DNAAF1: variants seen among roughly 807,000 people sequenced by gnomAD.
The protein encoded by DNAAF1 is dynein assembly factor 1, axonemal.
In DNAAF1, 65 loss-of-function variants were observed where a neutral mutation model predicts 71.1. The ratio of observed to expected loss-of-function variants is 0.91; its 90% confidence interval spans 0.75 to 1.12. The LOEUF (loss-of-function observed/expected upper bound fraction) is 1.12. Among genes scored for constraint, DNAAF1 ranks in the 50% most tolerant of loss-of-function variants. The pLI is 0.00. For missense variants in DNAAF1, 1,178 were observed against 899.8 expected, an observed-to-expected ratio of 1.31 and a Z score of -3.96; for synonymous variants, 414 against 354.6, an observed-to-expected ratio of 1.17 and a Z score of -1.88.
In DNAAF1 at chr16:84,165,933, A is replaced by C; in HGVS notation, c.1014A>C (p.Arg338Ser). ...KQRAEERKRQRESQERGEMTS... is the reference protein window; with the variant it reads ...KQRAEERKRQSESQERGEMTS... ...GGGCAGAGGAGAGGAAAAGACAGAG[A>C]GAGAGTCAAGAGAGAGGTATGCGCT... The change falls in exon 7 of 12, where the codon AGA (arginine) becomes AGC (serine). Residue 338 changes from arginine (R) to serine (S), a missense_variant. By Grantham distance (110) the Arg-to-Ser change is moderately radical (BLOSUM62 -1). Coordinates refer to ENST00000378553, the MANE Select transcript of DNAAF1 (RefSeq NM_178452.6). 6.2e-7 allele frequency: 1 copy of C among 1,613,068 alleles called. No homozygotes were observed. The highest frequency in any genetic ancestry group is 1.7e-4 in the Middle Eastern group (1 of 5,854).
chr16:84,148,201 T>G, intron 1 of DNAAF1, among the ~76,000 whole-genome samples: 1 of 152,256 alleles, frequency 6.6e-6, no homozygotes, highest in South Asian at 2.1e-4. Flanking sequence ...CACTTCTCTA[T>G]ACATGTATGC....
At chr16:84,160,615 C>G (rs1017034735) in intron 6 of DNAAF1, among the ~76,000 whole-genome samples, 2 of 152,250 alleles carry the variant, frequency 1.3e-5, no homozygotes, top group Middle Eastern at 3.4e-3. Flanking sequence ...ACAAATATTT[C>G]AAATAGAGCT....
At chr16:84,173,006 C>T in intron 9 of DNAAF1, 3 of 993,698 alleles carry the variant, frequency 3.0e-6, no homozygotes, top group Non-Finnish European at 3.6e-6. Context: ...TCTCACAACC[C>T]CCCAAGAACT....
chr16:84,148,816 C>T (rs903840350), intron 1 of DNAAF1, among the ~76,000 whole-genome samples, 191 bp from the exon 2 acceptor site: 1 of 151,270 alleles, frequency 6.6e-6, no homozygotes, highest in Non-Finnish European at 1.5e-5. Context: ...TCTCAAACAC[C>T]TGGGCTCGAG....
intron 5 of DNAAF1, among the ~76,000 whole-genome samples, chr16:84,158,206 C>A (rs2087534753): frequency 6.6e-6 from 1 of 151,550 alleles, no homozygotes; most frequent in African/African-American, 2.4e-5. Flanking sequence ...CTGGCTCTGT[C>A]TCCAAAAAAA....
In DNAAF1 at chr16:84,174,587, C is replaced by A. The variant is rs117306571; in HGVS notation, c.1645-82C>A. 4.3e-6 allele frequency: 7 copies of A among 1,612,218 alleles called. No individual in the cohort carries two copies. The South Asian group carries it at 6.6e-5, about 15-fold the overall frequency. On this transcript the variant is annotated intron_variant, in intron 9 of 11. Transcript: ENST00000378553. ...ACTGTAACTAAGGCTGGGTTGACTG[C>A]GTGTTTGCCTTTATCGTGCCTATCA... is the stretch of plus-strand genomic sequence containing the variant.
At chr16:84,174,291 A>G (rs2088538363) in intron 9 of DNAAF1, 4 of 1,115,496 alleles carry the variant, frequency 3.6e-6, no homozygotes, top group South Asian at 2.4e-5. Flanking sequence ...GGTACAAAAT[A>G]TATTACTTTT....
chr16:84,176,279 T>C lies in DNAAF1; in HGVS notation c.2045T>C (p.Phe682Ser). 1.2e-6 allele frequency: 2 copies of C among 1,613,436 alleles called. No individual in the cohort carries two copies. The highest frequency in any genetic ancestry group is 1.7e-6 in the Non-Finnish European group (2 of 1,179,988). ...TCCAGTGGAGACAGGGACAGCGACT[T>C]CCTTGCAGCCTCTTCTCCGGGTAAG... Reference protein sequence around the residue: ...LTSSGDRDSDFLAASSPVPTE... With the variant: ...LTSSGDRDSDSLAASSPVPTE... The change falls in exon 11 of 12, where the codon TTC (phenylalanine) becomes TCC (serine). Residue 682 changes from phenylalanine (F) to serine (S), a missense_variant. Phe to Ser is a radical substitution (Grantham distance 155). Transcript: ENST00000378553.
chr16:84,147,571 G>A (rs2086971168), intron 1 of DNAAF1, among the ~76,000 whole-genome samples: 1 of 151,710 alleles, frequency 6.6e-6, no homozygotes, highest in Non-Finnish European at 1.5e-5. Context: ...AGATCTTCCT[G>A]CCTCAGCCTC....
chr16:84,149,848 A>AC (rs2087101214), intron 2 of DNAAF1, among the ~76,000 whole-genome samples: 1 of 150,634 alleles, frequency 6.6e-6, no homozygotes. Flanking sequence ...AACATGGTGA[A>AC]ACCCCCCCTC....
chr16:84,152,973 G>A (rs1174651049), intron 3 of DNAAF1, among the ~76,000 whole-genome samples: 1 of 149,804 alleles, frequency 6.7e-6, no homozygotes, highest in Admixed American at 6.6e-5. Flanking sequence ...AAAAAAAAGT[G>A]ACTTAAGAGA....
At chr16:84,167,404 T>A (rs2088075947) in intron 7 of DNAAF1, among the ~76,000 whole-genome samples, 1 of 152,014 alleles carries the variant, frequency 6.6e-6, no homozygotes, top group African/African-American at 2.4e-5. Context: ...GATGATTAGC[T>A]CCATTTCCAG....
At chr16:84,177,181 C>G (rs1001729804) in intron 11 of DNAAF1, 4 of 186,396 alleles carry the variant, frequency 2.1e-5, no homozygotes, top group African/African-American at 7.1e-5. Flanking sequence ...GAGTGGCCTT[C>G]TCTTCCACTC....
chr16:84,165,411 C>G (rs549355066), intron 6 of DNAAF1, among the ~76,000 whole-genome samples: 122 of 152,180 alleles, frequency 8.0e-4, no homozygotes, highest in Middle Eastern at 3.4e-3. Context: ...ATCTCGAACT[C>G]CTGGGCTCAA....
chr16:84,174,588 G>A (rs1372635545), intron 9 of DNAAF1, 81 bp from the exon 10 acceptor site: 21 of 1,612,558 alleles, frequency 1.3e-5, no homozygotes, highest in South Asian at 3.3e-5. Flanking sequence ...GGTTGACTGC[G>A]TGTTTGCCTT....
Position 84,177,837 on chromosome 16 carries a change from CAT to C in DNAAF1, c.2176_2177del (p.Ter726ValfsTer7), listed in dbSNP as rs1316287661. 3.1e-6 allele frequency: 5 copies of C among 1,612,810 alleles called. No homozygotes were observed. The highest frequency in any genetic ancestry group is 2.2e-5 in the South Asian group (2 of 91,044). ...ACTGCATTCCCAGCACCGAAAGCAT[CAT>C]AGTTTTCCCCAGTTATATGTAGCAT... On this transcript the variant is annotated frameshift_variant and stop_lost, in exon 12 of 12. Coordinates refer to ENST00000378553, the MANE Select transcript of DNAAF1 (RefSeq NM_178452.6). LOFTEE classifies it high-confidence loss of function.
chr16:84,162,197 C>A (rs1164105574), intron 6 of DNAAF1: 1 of 152,240 alleles, frequency 6.6e-6, no homozygotes, highest in East Asian at 1.9e-4. Context: ...CAGCAGGGAT[C>A]TGCTTCTTCT....
intron 6 of DNAAF1, among the ~76,000 whole-genome samples, chr16:84,163,999 C>T (rs1435569180): frequency 6.6e-6 from 1 of 151,942 alleles, no homozygotes; most frequent in Non-Finnish European, 1.5e-5. Flanking sequence ...GAGACGGGGT[C>T]TTGCCATGTT....
chr16:84,174,880 G>A, intron 10 of DNAAF1, 158 bp downstream of exon 10: 1 of 1,015,816 alleles, frequency 9.8e-7, no homozygotes, highest in South Asian at 1.4e-5. Flanking sequence ...TTTTCAGGCA[G>A]AGTCTGGCTC....
Sources: gnomAD v4.1 joint callset for allele counts (sites outside exome capture counted in the v4.1 genomes callset) on GRCh38, gnomAD v4.1.1 for gene constraint, MANE v1.5 for transcripts, NCBI Gene and HGNC (gene_info 2026-07-23, HGNC 2026-07-21) for gene names.